ARID4B: variants seen among roughly 807,000 people sequenced by gnomAD.
ARID4B encodes the protein AT-rich interactive domain-containing protein 4B.
ARID4B carries 26 observed loss-of-function variants against 147.5 expected under a neutral mutation model. The observed-to-expected ratio is 0.18, with a 90% CI of 0.13 to 0.24. The LOEUF (loss-of-function observed/expected upper bound fraction) is 0.24. Among genes scored for constraint, ARID4B ranks in the 10% least tolerant of loss-of-function variants. The pLI is 1.00. For missense variants in ARID4B, 1,179 were observed against 1,511.5 expected (o/e 0.78, Z 3.65); for synonymous variants, 512 against 507.9 (o/e 1.01, Z -0.11).
chr1:235,228,201 A>G (rs1667952236), intron 11 of ARID4B: 1 of 151,848 alleles, frequency 6.6e-6, no homozygotes, highest in African/African-American at 2.4e-5. Flanking sequence ...TTAATCAATA[A>G]AATATGGAGA....
At chr1:235,285,512 T>C (rs1671915415) in intron 2 of ARID4B, among the ~76,000 whole-genome samples, 1 of 152,182 alleles carries the variant, frequency 6.6e-6, no homozygotes. Flanking sequence ...ACATTATACT[T>C]AACGGTGAAA....
intron 21 of ARID4B, among the ~76,000 whole-genome samples, chr1:235,176,580 T>A (rs983968315): frequency 1.3e-5 from 2 of 149,994 alleles, no homozygotes; most frequent in Non-Finnish European, 3.0e-5. Flanking sequence ...GGTTGACACA[T>A]ATACACAAAT....
chr1:235,325,961 G>C (rs1169915115), intron 2 of ARID4B, among the ~76,000 whole-genome samples: 1 of 152,084 alleles, frequency 6.6e-6, no homozygotes, highest in Admixed American at 6.5e-5. Context: ...ATAGTTCAAA[G>C]GAACTGTCAA....
At chr1:235,318,606 G>A (rs921630604) in intron 2 of ARID4B, among the ~76,000 whole-genome samples, 2 of 152,162 alleles carry the variant, frequency 1.3e-5, no homozygotes, top group East Asian at 3.8e-4. Flanking sequence ...TAAATGCTAA[G>A]CTCAGTGTCT....
intron 8 of ARID4B, among the ~76,000 whole-genome samples, chr1:235,238,973 C>CT (rs998623137): frequency 1.1e-4 from 16 of 142,662 alleles, no homozygotes; most frequent in Admixed American, 8.2e-4. Context: ...CAAGATAATT[C>CT]TTTTTTTTTC....
At position 235,241,735 on chromosome 1, in the gene ARID4B, T is replaced by C. The variant is rs1355364675; in HGVS notation, c.447-1284A>G. Among the ~76,000 whole-genome samples the C allele has an allele frequency of 2.6e-5, 4 of 151,946 alleles. No homozygotes were observed. The South Asian group carries it at 6.2e-4, about 24-fold the overall frequency. On this transcript the variant is annotated intron_variant, in intron 7 of 23. Transcript: ENST00000264183. Reference sequence around the variant, plus strand: ...GGTTTCACCATGTTAGCCAGGATAGTCTCGATCTCCTGACCTCGTGATCCG... The same window carrying C: ...GGTTTCACCATGTTAGCCAGGATAGCCTCGATCTCCTGACCTCGTGATCCG...
chr1:235,185,906 G>C (rs1474014331), intron 19 of ARID4B, among the ~76,000 whole-genome samples: 1 of 150,864 alleles, frequency 6.6e-6, no homozygotes, highest in African/African-American at 2.4e-5. Flanking sequence ...AATTTATTCG[G>C]TACCTAGTGA....
intron 2 of ARID4B, among the ~76,000 whole-genome samples, chr1:235,323,604 G>C (rs182102508): frequency 6.6e-6 from 1 of 152,072 alleles, no homozygotes; most frequent in Non-Finnish European, 1.5e-5. Context: ...GACCAATATG[G>C]AGAAACCTTG....
At chr1:235,312,997 AAAAGG>A (rs1002984235) in intron 2 of ARID4B, among the ~76,000 whole-genome samples, 95 of 142,748 alleles carry the variant, frequency 6.7e-4, no homozygotes, top group African/African-American at 2.3e-3. Flanking sequence ...AAAAGAAAAG[AAAAGG>A]GTTCTTTGAT....
In ARID4B at chr1:235,302,170, A is replaced by C. The variant is rs535296194; in HGVS notation, c.6+24744T>G. ...AAAAAACGGAAAAAAAAAAAAAAAA[A>C]AAAAAAACAGCAAAAAAAAACAAAG... On this transcript the variant is annotated intron_variant, in intron 2 of 23. Coordinates refer to ENST00000264183, the MANE Select transcript of ARID4B (RefSeq NM_016374.6). 2.5e-3 allele frequency among the ~76,000 whole-genome samples: 365 copies of C among 145,934 alleles called. 6 individuals are homozygous for C. The highest frequency in any genetic ancestry group is 8.6e-3 in the African/African-American group (340 of 39,482).
chr1:235,223,700 T>TTTTTC (rs397962251), intron 12 of ARID4B, among the ~76,000 whole-genome samples: 2 of 148,978 alleles, frequency 1.3e-5, no homozygotes, highest in Non-Finnish European at 3.0e-5. Flanking sequence ...TTTTTTTTTT[T>TTTTTC]CATTCTAACA....
At chr1:235,247,668 T>C (rs1669384337) in intron 6 of ARID4B, among the ~76,000 whole-genome samples, 1 of 152,168 alleles carries the variant, frequency 6.6e-6, no homozygotes, top group African/African-American at 2.4e-5. Context: ...AACCCTGTCC[T>C]AATGAACCTT....
chr1:235,215,422 G>C (rs1055991040), intron 16 of ARID4B, among the ~76,000 whole-genome samples: 1 of 151,860 alleles, frequency 6.6e-6, no homozygotes, highest in African/African-American at 2.4e-5. Flanking sequence ...CAACCAGATA[G>C]TTTAGTATTT....
chr1:235,261,366 A>T (rs758638252), intron 2 of ARID4B, among the ~76,000 whole-genome samples: 21 of 152,132 alleles, frequency 1.4e-4, no homozygotes, highest in Non-Finnish European at 3.1e-4. Flanking sequence ...CAAAATAAAA[A>T]AATAAAAACT....
chr1:235,284,702 G>A (rs1255146173), intron 2 of ARID4B, among the ~76,000 whole-genome samples: 7 of 151,942 alleles, frequency 4.6e-5, no homozygotes, highest in African/African-American at 1.7e-4. Flanking sequence ...TACAAAGCCA[G>A]CATTATTCTG....
chr1:235,287,481 G>A (rs531065191), intron 2 of ARID4B, among the ~76,000 whole-genome samples: 1 of 152,230 alleles, frequency 6.6e-6, no homozygotes, highest in Admixed American at 6.5e-5. Flanking sequence ...GAATGTACCA[G>A]AAACTACCAG....
intron 2 of ARID4B, among the ~76,000 whole-genome samples, chr1:235,263,650 G>A (rs780266666): frequency 1.3e-5 from 2 of 152,164 alleles, no homozygotes; most frequent in Non-Finnish European, 2.9e-5. Flanking sequence ...TAGAACACAG[G>A]AAAAGGAATT....
chr1:235,290,430 C>T (rs535402912), intron 2 of ARID4B, among the ~76,000 whole-genome samples: 2 of 130,362 alleles, frequency 1.5e-5, no homozygotes, highest in South Asian at 6.3e-4. Flanking sequence ...GAGATTCCAT[C>T]ACCAAAAAAA....
chr1:235,308,387 A>C (rs527295576), intron 2 of ARID4B, among the ~76,000 whole-genome samples: 1 of 151,500 alleles, frequency 6.6e-6, no homozygotes, highest in East Asian at 2.0e-4. Context: ...GATTACAGGC[A>C]TGAGCCACCG....
Sources: gnomAD v4.1 joint callset for allele counts (sites outside exome capture counted in the v4.1 genomes callset) on GRCh38, gnomAD v4.1.1 for gene constraint, MANE v1.5 for transcripts, NCBI Gene and HGNC (gene_info 2026-07-23, HGNC 2026-07-21) for gene names.